Variants in LY6G5B observed in about 807,000 individuals in gnomAD.
LY6G5B encodes the protein lymphocyte antigen 6 family member G5B, also known as lymphocyte antigen 6 complex locus protein G5b.
Under a neutral mutation model 6.7 loss-of-function variants are expected in LY6G5B, and 6 were observed. The observed-to-expected ratio is 0.89, with a 90% CI of 0.49 to 1.76. The LOEUF is 1.76. Ranked by LOEUF, LY6G5B falls within the 40% of genes most tolerant of loss-of-function variation. LY6G5B has a pLI of 0.01. For missense variants in LY6G5B, 240 were observed against 249.5 expected, an observed-to-expected ratio of 0.96 and a Z score of 0.26; for synonymous variants, 98 against 99.4, an observed-to-expected ratio of 0.99 and a Z score of 0.09.
At chr6:31,672,671 C>A in exon 3 of LY6G5B, 1 of 197,714 alleles carries the variant, frequency 5.1e-6, no homozygotes. Context: ...GTCTCGAACT[C>A]CTGACCTCGT....
At chr6:31,670,172 G>A (rs145089993) in exon 1 of LY6G5B, 5 of 525,216 alleles carry the variant, frequency 9.5e-6, no homozygotes, top group African/African-American at 7.7e-5. Flanking sequence ...TGAAAACCAG[G>A]ACAGATTTGT....
chr6:31,672,476 G>C, exon 3 of LY6G5B: 1 of 670,426 alleles, frequency 1.5e-6, no homozygotes, highest in East Asian at 2.8e-5. Flanking sequence ...ACAAAGTCTC[G>C]CTCTGTCACC....
At position 31,672,154 on chromosome 6, in the gene LY6G5B, C is replaced by T. The variant is rs778048929; in HGVS notation, c.478C>T (p.Pro160Ser). The stretch of plus-strand genomic sequence containing the variant: ...TGGGACGGAGCCTGATGGCCTGGAC[C>T]CCATGGTCACACTGTCCCTGAACCT... Residue 160 changes from proline (P) to serine (S), a missense_variant, in exon 3 of 3, where the codon CCC becomes TCC. Physicochemically the swap from Pro to Ser is moderately conservative, Grantham distance 74 (BLOSUM62 -1). Coordinates refer to ENST00000375864, the Ensembl canonical transcript of LY6G5B. 3.1e-6 allele frequency: 5 copies of T among 1,613,122 alleles called. No individual in the cohort carries two copies. In the South Asian group the frequency reaches 4.4e-5, roughly 14 times the overall value.
Position 31,671,286 on chromosome 6 carries a change from T to A in LY6G5B, c.187+2T>A, listed in dbSNP as rs1300305618. ...GCATGGTGATCACCATCTATTATGG[T>A]AAATAAGGTCCCAGGAAGGGGCTGC... On this transcript the variant is annotated splice_donor_variant, in intron 2 of 2. Coordinates refer to ENST00000375864, the Ensembl canonical transcript of LY6G5B. LOFTEE classifies it high-confidence loss of function. The A allele has an allele frequency of 1.3e-5, 21 of 1,613,138 alleles. No individual in the cohort carries two copies. Among genetic ancestry groups the A allele is most frequent in the African/African-American group, 1.1e-4 (8 of 74,958 alleles).
Position 31,672,320 on chromosome 6 carries a change from C to T in LY6G5B, c.*38C>T, listed in dbSNP as rs377128352. 126 of 1,578,316 alleles carry T rather than the reference C, an allele frequency of 8.0e-5. No individual in the cohort carries two copies. The African/African-American group carries it at 1.6e-3, about 20-fold the overall frequency. ...AAATATCTTTCTGTAACACCCTCAG[C>T]ATCCTGCACTGCCCTCTCTGAAAAC... On this transcript the variant is annotated 3_prime_UTR_variant, in exon 3 of 3. Transcript: ENST00000375864.
chr6:31,672,085 T>C lies in LY6G5B; in HGVS notation c.409T>C (p.Tyr137His), dbSNP rs774002157. 7.4e-6 allele frequency: 12 copies of C among 1,613,108 alleles called. No homozygotes were observed. The highest frequency in any genetic ancestry group is 1.0e-5 in the Non-Finnish European group (12 of 1,180,018). The change falls in exon 3 of 3, where the codon TAC (tyrosine) becomes CAC (histidine). Residue 137 changes from tyrosine (Y) to histidine (H), a missense_variant. Tyr to His is a moderately conservative substitution (Grantham distance 83). Transcript: ENST00000375864. ...GTCTGACTCCCAGATTCAGTGGTTC[T>C]ACCAGGCCCTGAACCTCTCCCTGCC... is the stretch of plus-strand genomic sequence containing the variant.
exon 3 of LY6G5B, chr6:31,673,141 C>G (rs1236232634): frequency 6.6e-6 from 1 of 152,184 alleles, no homozygotes; most frequent in East Asian, 1.9e-4. Context: ...TGGCACACCT[C>G]TGTAATCCCA....
upstream of LY6G5B, chr6:31,669,994 T>C (rs1802072277): frequency 7.6e-6 from 10 of 1,314,660 alleles, no homozygotes; most frequent in Non-Finnish European, 1.1e-5. The surrounding 1 kb of genome is among the most constrained non-coding windows in gnomAD (Gnocchi z 4.8). Context: ...TCAGGAACCC[T>C]GTATGGTTTT....
At chr6:31,673,406 C>T (rs1802379040) in exon 3 of LY6G5B, 1 of 152,904 alleles carries the variant, frequency 6.5e-6, no homozygotes, top group Non-Finnish European at 1.5e-5. Flanking sequence ...TTGTCAGTCT[C>T]TGGCTTCCTC....
chr6:31,672,615 T>A, exon 3 of LY6G5B: 1 of 288,916 alleles, frequency 3.5e-6, no homozygotes, highest in Non-Finnish European at 6.5e-6. Context: ...TGGCTAATTT[T>A]TTGTATTTTT....
chr6:31,673,491 C>G (rs1802384183), exon 3 of LY6G5B: 1 of 152,400 alleles, frequency 6.6e-6, no homozygotes, highest in Non-Finnish European at 1.5e-5. Context: ...AGGGTCTGTT[C>G]TGCTCAGCTC....
At chr6:31,670,897 G>A in exon 1 of LY6G5B, 1 of 1,533,730 alleles carries the variant, frequency 6.5e-7, no homozygotes, top group Admixed American at 2.0e-5. Context: ...GTCACAGGAA[G>A]GTGGGGTTTC....
Position 31,672,230 on chromosome 6 carries a change from C to A in LY6G5B, c.554C>A (p.Ser185Ter), listed in dbSNP as rs778481990. Residue 185 changes from serine (S) to a stop codon, truncating the protein, a stop_gained, in exon 3 of 3, where the codon TCA (serine) becomes TAA (stop). Transcript: ENST00000375864. LOFTEE classifies it low-confidence loss of function (END_TRUNC). ...CGCATGTACTTGTTCCTCAATAGTT[C>A]AGGACTTTTGGTTCTTCCCCAGGCT... 2.4e-5 allele frequency: 39 copies of A among 1,613,002 alleles called. No individual in the cohort carries two copies. The highest frequency in any genetic ancestry group is 3.0e-5 in the Non-Finnish European group (35 of 1,180,026).
At chr6:31,670,903 G>A in exon 1 of LY6G5B, 1 of 1,552,550 alleles carries the variant, frequency 6.4e-7, no homozygotes, top group Non-Finnish European at 8.7e-7. Flanking sequence ...GGAAGGTGGG[G>A]TTTCAGGGCA....
At chr6:31,672,301 C>T (rs1562060666) in exon 3 of LY6G5B, 1 of 1,600,220 alleles carries the variant, frequency 6.2e-7, no homozygotes, top group Non-Finnish European at 8.5e-7. Context: ...GTGCAAATAT[C>T]TTTCTGTAAC....
chr6:31,672,202 C>T (rs9267532), exon 3 of LY6G5B: 110,214 of 1,612,998 alleles, frequency 0.068, 4,242 homozygotes, highest in South Asian at 0.11. Flanking sequence ...TGCTGAGCTG[C>T]GCCGCATGTA....
intron 2 of LY6G5B, 93 bp from the exon 3 acceptor site, chr6:31,671,771 G>C: frequency 1.4e-6 from 2 of 1,447,612 alleles, no homozygotes; most frequent in African/African-American, 1.4e-5. Context: ...AAGTAAATTA[G>C]GTCTGGGTGA....
chr6:31,671,338 TCTCTC>T lies in LY6G5B; in HGVS notation c.187+60_187+64del, dbSNP rs1802200992. On this transcript the variant is annotated intron_variant, in intron 2 of 2. Transcript: ENST00000375864. ...GGTGGGGCAGCCAATGGCTTGGTCTTCTCTCCTCTCACAGATCAGGGCTGCTCCGG... is the reference window on the plus strand; with the variant it reads ...GGTGGGGCAGCCAATGGCTTGGTCTTCTCTCACAGATCAGGGCTGCTCCGG... 5.0e-6 allele frequency: 8 copies of T among 1,609,228 alleles called. No homozygotes were observed. In the East Asian group the frequency reaches 8.9e-5, roughly 18 times the overall value.
intron 2 of LY6G5B, 142 bp from the exon 3 acceptor site, chr6:31,671,722 G>A: frequency 1.0e-6 from 1 of 981,350 alleles, no homozygotes. Context: ...GGGGCCAGCA[G>A]AGCTCACTTT....
Sources: allele counts gnomAD v4.1 joint callset, GRCh38; gene constraint gnomAD v4.1.1; non-coding constraint Gnocchi (gnomAD v3.1); transcripts MANE v1.5; gene names NCBI Gene and HGNC (gene_info 2026-07-23, HGNC 2026-07-21).